The following TOX variants were observed in gnomAD, a reference collection of about 807,000 sequenced individuals.
The protein encoded by TOX is thymocyte selection-associated high mobility group box protein TOX.
A neutral mutation model predicts 53.7 loss-of-function variants in TOX; 11 were observed. The ratio of observed to expected loss-of-function variants is 0.20; its 90% confidence interval spans 0.13 to 0.34. TOX has a LOEUF of 0.34. Ranked by LOEUF, TOX falls within the 10% of genes least tolerant of loss-of-function variation. TOX has a pLI of 1.00. For synonymous variants in TOX, 225 were observed against 245.3 expected, an observed-to-expected ratio of 0.92 and a Z score of 0.77; for missense variants, 570 against 664.6, an observed-to-expected ratio of 0.86 and a Z score of 1.56.
intron 3 of TOX, among the ~76,000 whole-genome samples, chr8:58,937,414 A>C (rs970592315): frequency 6.6e-6 from 1 of 152,212 alleles, no homozygotes; most frequent in Admixed American, 6.5e-5. Flanking sequence ...CTGATAGGGA[A>C]AGAGGAAGGG....
At chr8:59,077,252 T>G (rs1402322640) in intron 1 of TOX, among the ~76,000 whole-genome samples, 1 of 152,236 alleles carries the variant, frequency 6.6e-6, no homozygotes, top group Non-Finnish European at 1.5e-5. Context: ...GTGCATGCTC[T>G]TTATTCTGCC....
rs532032286 is a variant in TOX, at chr8:58,928,672, C to G, written c.411+10630G>C. ...CACACACATCACAATAGAAAAAATA[C>G]TTCAAAATGCTAATAATTTTGTCTC... On this transcript the variant is annotated intron_variant, in intron 3 of 8. Coordinates refer to ENST00000361421, the MANE Select transcript of TOX (RefSeq NM_014729.3). Among the ~76,000 whole-genome samples, 445 of 152,050 alleles carry G rather than the reference C, an allele frequency of 2.9e-3. 2 individuals are homozygous for G. Among genetic ancestry groups the G allele is most frequent in the African/African-American group, 0.01 (429 of 41,444 alleles).
chr8:59,015,503 T>C (rs1813991239), intron 1 of TOX, among the ~76,000 whole-genome samples: 1 of 152,218 alleles, frequency 6.6e-6, no homozygotes, highest in Non-Finnish European at 1.5e-5. Context: ...TGATATTTAT[T>C]TCCACAATCT....
chr8:58,906,477 T>A (rs1023171411), intron 3 of TOX, among the ~76,000 whole-genome samples: 1 of 152,214 alleles, frequency 6.6e-6, no homozygotes, highest in African/African-American at 2.4e-5. Flanking sequence ...TAACCCCATT[T>A]TAATAACACC....
At chr8:59,008,581 AC>A (rs1430342428) in intron 1 of TOX, among the ~76,000 whole-genome samples, 1 of 424 alleles carries the variant, frequency 2.4e-3, no homozygotes, top group African/African-American at 8.2e-3. Context: ...ACAGAAGCTC[AC>A]CTCCCCCCCA....
intron 1 of TOX, among the ~76,000 whole-genome samples, chr8:59,049,120 C>T (rs1348042461): frequency 1.3e-5 from 2 of 151,842 alleles, no homozygotes; most frequent in Non-Finnish European, 2.9e-5. Flanking sequence ...AAAAAACAAA[C>T]AGCTGGTGAT....
chr8:59,045,986 T>C (rs1585984729), intron 1 of TOX, among the ~76,000 whole-genome samples: 1 of 152,326 alleles, frequency 6.6e-6, no homozygotes, highest in East Asian at 1.9e-4. Flanking sequence ...GTTGGTGATA[T>C]TGCCCTTCTC....
At chr8:58,927,665 C>T (rs1465883508) in intron 3 of TOX, among the ~76,000 whole-genome samples, 2 of 152,132 alleles carry the variant, frequency 1.3e-5, no homozygotes, top group Non-Finnish European at 2.9e-5. Context: ...ACACAGATAC[C>T]AGTAATGAGA....
intron 2 of TOX, among the ~76,000 whole-genome samples, chr8:58,946,371 CTG>C (rs1451034018): frequency 2.6e-5 from 4 of 152,100 alleles, no homozygotes; most frequent in African/African-American, 9.7e-5. Context: ...AATATAATCT[CTG>C]ATTTCTTTTG....
At chr8:58,811,046 C>T (rs770703565) in intron 7 of TOX, among the ~76,000 whole-genome samples, 2 of 152,062 alleles carry the variant, frequency 1.3e-5, no homozygotes, top group African/African-American at 2.4e-5. Context: ...AAACAAGGAC[C>T]GAGAAACATA....
At chr8:58,958,143 T>C (rs1316510283) in intron 2 of TOX, among the ~76,000 whole-genome samples, 1 of 152,174 alleles carries the variant, frequency 6.6e-6, no homozygotes, top group Admixed American at 6.5e-5. Context: ...CACAAAAGTA[T>C]TTGGGGCTCT....
At chr8:59,023,179 T>C (rs920766617) in intron 1 of TOX, among the ~76,000 whole-genome samples, 1 of 152,180 alleles carries the variant, frequency 6.6e-6, no homozygotes, top group African/African-American at 2.4e-5. Flanking sequence ...GCCTATAGCT[T>C]AGCTTATGTG....
intron 3 of TOX, among the ~76,000 whole-genome samples, chr8:58,903,635 C>A (rs1237753305): frequency 6.6e-6 from 1 of 152,088 alleles, no homozygotes; most frequent in Non-Finnish European, 1.5e-5. Flanking sequence ...TGAATACTGG[C>A]TAATATTTAC....
At chr8:58,979,811 G>A (rs963242743) in intron 1 of TOX, among the ~76,000 whole-genome samples, 1 of 152,248 alleles carries the variant, frequency 6.6e-6, no homozygotes, top group East Asian at 1.9e-4. Flanking sequence ...TGTGACCAAT[G>A]CCTCACTTTT....
intron 1 of TOX, among the ~76,000 whole-genome samples, chr8:59,063,023 T>G (rs531431887): frequency 2.0e-5 from 3 of 152,368 alleles, no homozygotes; most frequent in African/African-American, 7.2e-5. Flanking sequence ...TTATTGCCTA[T>G]GTTTTCAGTA....
At chr8:59,049,092 G>A (rs1803741240) in intron 1 of TOX, among the ~76,000 whole-genome samples, 1 of 151,300 alleles carries the variant, frequency 6.6e-6, no homozygotes, top group Non-Finnish European at 1.5e-5. Flanking sequence ...TTATTATTTG[G>A]CCCGGTAATG....
intron 1 of TOX, among the ~76,000 whole-genome samples, chr8:59,069,939 A>T (rs1225304167): frequency 6.6e-6 from 1 of 152,326 alleles, no homozygotes; most frequent in East Asian, 1.9e-4. Context: ...GGTGAAGACA[A>T]TGTGTAACAC....
At chr8:58,828,095 T>C (rs1810394439) in intron 5 of TOX, among the ~76,000 whole-genome samples, 1 of 152,360 alleles carries the variant, frequency 6.6e-6, no homozygotes, top group African/African-American at 2.4e-5. Flanking sequence ...ATAAATTATG[T>C]CTAAAGACCA....
chr8:59,016,755 G>T (rs948212856), intron 1 of TOX, among the ~76,000 whole-genome samples: 5 of 152,172 alleles, frequency 3.3e-5, no homozygotes, highest in African/African-American at 1.2e-4. Flanking sequence ...AGAGGAAAAG[G>T]CCATTTAAGC....
Sources: allele counts gnomAD v4.1 joint callset (sites outside exome capture counted in the v4.1 genomes callset), GRCh38; gene constraint gnomAD v4.1.1; transcripts MANE v1.5; gene names NCBI Gene and HGNC (gene_info 2026-07-23, HGNC 2026-07-21).